Variants in NACC2 observed in about 807,000 individuals in gnomAD.
NACC2 encodes the protein nucleus accumbens-associated protein 2.
NACC2 carries 8 observed loss-of-function variants against 25.1 expected under a neutral mutation model. The ratio of observed to expected loss-of-function variants is 0.32; its 90% CI spans 0.19 to 0.57. The LOEUF (loss-of-function observed/expected upper bound fraction) is 0.57. NACC2 is among the 20% of genes least tolerant of loss of function. NACC2 has a pLI of 0.89. For synonymous variants in NACC2, 435 were observed against 294.7 expected, an observed-to-expected ratio of 1.48 and a Z score of -4.88; for missense variants, 644 against 650.2, an observed-to-expected ratio of 0.99 and a Z score of 0.10.
intron 1 of NACC2, among the ~76,000 whole-genome samples, chr9:136,078,335 G>A (rs574604711): frequency 1.8e-4 from 27 of 152,336 alleles, no homozygotes; most frequent in African/African-American, 6.3e-4. Flanking sequence ...AATTCATGAG[G>A]GGGACAGGCA....
chr9:136,087,634 C>T (rs988390375), intron 1 of NACC2, among the ~76,000 whole-genome samples: 12 of 152,202 alleles, frequency 7.9e-5, no homozygotes, highest in South Asian at 2.1e-4. Context: ...AAGCAGGATA[C>T]GGTACCCCAT....
At chr9:136,074,470 A>ATTAGCCAGGCATGGTG (rs1333195532) in intron 1 of NACC2, among the ~76,000 whole-genome samples, 6 of 37,018 alleles carry the variant, frequency 1.6e-4, no homozygotes, top group Admixed American at 3.5e-4. Context: ...AAAAGAAAAA[A>ATTAGCCAGGCATGGTG]GAAGAAAAAG....
At chr9:136,051,765 C>T (rs1469448089) in intron 1 of NACC2, among the ~76,000 whole-genome samples, 2 of 152,264 alleles carry the variant, frequency 1.3e-5, no homozygotes, top group East Asian at 1.9e-4. Flanking sequence ...CGGCACTGCC[C>T]GCTCCGCCTG....
intron 1 of NACC2, among the ~76,000 whole-genome samples, chr9:136,070,598 C>T (rs1307147317): frequency 6.7e-6 from 1 of 150,248 alleles, no homozygotes; most frequent in East Asian, 1.9e-4. Flanking sequence ...AAATTTATAG[C>T]ATTAATGGAT....
chr9:136,088,618 C>T (rs1462429431), intron 1 of NACC2, among the ~76,000 whole-genome samples: 1 of 152,250 alleles, frequency 6.6e-6, no homozygotes, highest in Non-Finnish European at 1.5e-5. Context: ...GGCTTCACTG[C>T]CATCCCAACC....
intron 1 of NACC2, among the ~76,000 whole-genome samples, chr9:136,064,874 A>G (rs4841909): frequency 0.4 from 60,195 of 152,012 alleles, 12,832 homozygotes; most frequent in Non-Finnish European, 0.48. Context: ...ACTTAGATCA[A>G]TGGAACAGAT....
chr9:136,075,999 G>A lies in NACC2; in HGVS notation c.-60+19190C>T, dbSNP rs113598056. 8.0e-3 allele frequency among the ~76,000 whole-genome samples: 1,221 copies of A among 152,252 alleles called. 15 individuals are homozygous for A. The highest frequency in any genetic ancestry group is 0.011 in the Non-Finnish European group (767 of 68,024). On this transcript the variant is annotated intron_variant, in intron 1 of 5. Coordinates refer to ENST00000277554, the MANE Select transcript of NACC2 (RefSeq NM_144653.5). ...TCTGTGACAAAACTCCGAGACACCC[G>A]CTTCTCAAAGCCCTGCATGAAGGTT... is the stretch of plus-strand genomic sequence containing the variant.
chr9:136,051,257 C>T (rs1244637352), intron 1 of NACC2, among the ~76,000 whole-genome samples: 1 of 152,194 alleles, frequency 6.6e-6, no homozygotes, highest in Non-Finnish European at 1.5e-5. Context: ...GGCGCGCCCG[C>T]TCCGTTCTCC....
In NACC2 at chr9:136,012,039, C is replaced by A; in HGVS notation, c.1256-15G>T. 6.6e-7 allele frequency: 1 copy of A among 1,518,284 alleles called. No homozygotes were observed. Among genetic ancestry groups the A allele is most frequent in the Non-Finnish European group, 8.8e-7 (1 of 1,132,806 alleles). The allele number at this position is 1,518,284 out of a possible 1,614,324, so 94.1% of individuals were successfully genotyped here. A position where few individuals can be genotyped will look rare whatever the true frequency, so the allele number is the denominator to read the frequency against. On this transcript the variant is annotated splice_polypyrimidine_tract_variant and intron_variant, in intron 5 of 5. Transcript: ENST00000277554. ...CTGACAGTACACTGTGAGGACGGGG[C>A]GGCGTGAGCTCAGCCACCTGCCTGC...
chr9:136,048,616 C>A (rs1487348311), intron 2 of NACC2, among the ~76,000 whole-genome samples: 1 of 152,254 alleles, frequency 6.6e-6, no homozygotes, highest in Admixed American at 6.5e-5. Context: ...AGAGCACCTG[C>A]TGGCAAGGCA....
At chr9:136,085,452 G>A (rs1389106249) in intron 1 of NACC2, among the ~76,000 whole-genome samples, 17 of 151,592 alleles carry the variant, frequency 1.1e-4, no homozygotes, top group Admixed American at 6.6e-5. Context: ...CCGAGTTTGA[G>A]GCTGCGATTG....
At chr9:136,059,936 C>T (rs1000593544) in intron 1 of NACC2, among the ~76,000 whole-genome samples, 7 of 152,222 alleles carry the variant, frequency 4.6e-5, no homozygotes, top group African/African-American at 1.4e-4. Context: ...AGAGAGGGGC[C>T]GCACCCTGTC....
intron 1 of NACC2, among the ~76,000 whole-genome samples, chr9:136,070,629 T>A (rs1163849482): frequency 2.1e-5 from 3 of 142,348 alleles, no homozygotes; most frequent in Admixed American, 6.9e-5. Flanking sequence ...AAAGGAAAAG[T>A]CTCAAATCAA....
At chr9:136,051,013 C>A (rs1231750505) in intron 1 of NACC2, among the ~76,000 whole-genome samples, 1 of 152,202 alleles carries the variant, frequency 6.6e-6, no homozygotes, top group East Asian at 1.9e-4. Context: ...CCGGGAGGGG[C>A]CGCGCTGGAG....
chr9:136,077,052 C>CAT (rs1830270607), intron 1 of NACC2, among the ~76,000 whole-genome samples: 5 of 151,564 alleles, frequency 3.3e-5, no homozygotes, highest in Admixed American at 3.3e-4. Flanking sequence ...TGGTGGCGGG[C>CAT]GCCTGTAGTC....
chr9:136,032,576 T>C (rs966380681), intron 2 of NACC2, among the ~76,000 whole-genome samples: 7 of 152,104 alleles, frequency 4.6e-5, no homozygotes, highest in Middle Eastern at 6.8e-3. Flanking sequence ...AATAAAGAAA[T>C]TGTGGTTATG....
chr9:136,029,972 C>T (rs555052710), intron 2 of NACC2, among the ~76,000 whole-genome samples: 3 of 152,302 alleles, frequency 2.0e-5, no homozygotes, highest in South Asian at 2.1e-4. Context: ...AAGGCACCAC[C>T]GGCCACAGAG....
At position 136,050,491 on chromosome 9, in the gene NACC2, T is replaced by G; in HGVS notation, c.31A>C (p.Asn11His). 1 of 764,454 alleles carries G rather than the reference T, an allele frequency of 1.3e-6. No homozygotes were observed. Among genetic ancestry groups the G allele is most frequent in the Non-Finnish European group, 2.4e-6 (1 of 417,454 alleles). The allele number at this position is 764,454 out of a possible 1,614,324, so 47.4% of individuals were successfully genotyped here. The change falls in exon 2 of 6, where the codon AAC (asparagine) becomes CAC (histidine). Residue 11 changes from asparagine (N) to histidine (H), a missense_variant. Coordinates refer to ENST00000277554, the MANE Select transcript of NACC2 (RefSeq NM_144653.5). ...CAGCCCAGCACTGTGTTCCCGAAGT[T>G]GGGGATCTCGATGTGCAGCATCTGA... MSQMLHIEIP[N>H]FGNTVLGCLN...
intron 1 of NACC2, among the ~76,000 whole-genome samples, chr9:136,078,764 G>A (rs1830290623): frequency 6.6e-6 from 1 of 152,238 alleles, no homozygotes; most frequent in South Asian, 2.1e-4. Context: ...CACGAGTGTG[G>A]CACCACAGCC....
Sources: gnomAD v4.1 joint callset for allele counts (sites outside exome capture counted in the v4.1 genomes callset) on GRCh38, gnomAD v4.1.1 for gene constraint, MANE v1.5 for transcripts, NCBI Gene and HGNC (gene_info 2026-07-23, HGNC 2026-07-21) for gene names.